The following CDK2AP1 variants were observed in gnomAD, a reference collection of about 807,000 sequenced individuals.
CDK2AP1 encodes the protein cyclin dependent kinase 2 associated protein 1, also known as cyclin-dependent kinase 2-associated protein 1.
A neutral mutation model predicts 14.1 loss-of-function variants in CDK2AP1; 10 were observed. That is an observed-to-expected ratio of 0.71 (90% CI 0.44 to 1.20). CDK2AP1 has a LOEUF of 1.20. Ranked by LOEUF, CDK2AP1 falls within the 50% of genes most tolerant of loss-of-function variation. CDK2AP1 has a pLI of 0.00. For synonymous variants in CDK2AP1, 59 were observed against 59.8 expected (o/e 0.99, Z 0.06); for missense variants, 102 against 149.9 (o/e 0.68, Z 1.67).
chr12:123,264,416 C>T (rs1223821014), intron 3 of CDK2AP1, among the ~76,000 whole-genome samples: 2 of 144,480 alleles, frequency 1.4e-5, no homozygotes, highest in African/African-American at 2.6e-5. Context: ...GCCGAGATTG[C>T]ACCACTGCAC....
intron 1 of CDK2AP1, among the ~76,000 whole-genome samples, chr12:123,269,496 G>A (rs1566005859): frequency 6.6e-6 from 1 of 152,274 alleles, no homozygotes; most frequent in Admixed American, 6.5e-5. Context: ...CCAGGACACA[G>A]GGACCACGTC....
At chr12:123,261,953 C>A (rs993081672) in intron 3 of CDK2AP1, 150 bp from the exon 4 acceptor site, 11 of 626,750 alleles carry the variant, frequency 1.8e-5, no homozygotes, top group African/African-American at 3.6e-5. Context: ...AACCAAGCAA[C>A]CCTGAAGGAC....
intron 3 of CDK2AP1, 181 bp from the exon 4 acceptor site, chr12:123,261,984 C>G (rs4759418): frequency 0.053 from 28,315 of 533,726 alleles, 1,495 homozygotes; most frequent in East Asian, 0.25. Flanking sequence ...CCATCCCTCT[C>G]TAAAGCCCTT....
chr12:123,266,157 C>G (rs1269158030), intron 2 of CDK2AP1, among the ~76,000 whole-genome samples: 5 of 152,192 alleles, frequency 3.3e-5, no homozygotes, highest in South Asian at 2.1e-4. Flanking sequence ...TGCCTCCCCC[C>G]TCCTCCACCA....
intron 1 of CDK2AP1, chr12:123,270,940 G>A: frequency 4.1e-6 from 4 of 984,958 alleles, no homozygotes; most frequent in Non-Finnish European, 4.8e-6. Context: ...CCACGCTCCC[G>A]GCCGAGGCCC....
rs2048278626 is a variant in CDK2AP1, at chr12:123,265,314, C to T, written c.162G>A (p.Gly54=). 1 of 1,614,108 alleles carries T rather than the reference C, an allele frequency of 6.2e-7. No homozygotes were observed. Among genetic ancestry groups the T allele is most frequent in the Non-Finnish European group, 8.5e-7 (1 of 1,180,018 alleles). ...ATTTGCTTTGGGGCACCTGGCTGTT[C>T]CCAGTTCCCTAGAATCAGAAAGAAA... ...PPSLGYTQGT[G]NSQVPQSKYA... is the part of the protein sequence containing the mutation. The change falls in exon 3 of 4, where the codon GGG becomes GGA. Residue 54 remains glycine (G), a synonymous_variant. Coordinates refer to ENST00000261692, the MANE Select transcript of CDK2AP1 (RefSeq NM_004642.4). The surrounding 1 kb of genome is among the most constrained non-coding windows in gnomAD (Gnocchi z 5.3).
intron 1 of CDK2AP1, among the ~76,000 whole-genome samples, chr12:123,270,409 TC>T (rs2048343797): frequency 6.6e-6 from 1 of 151,826 alleles, no homozygotes; most frequent in African/African-American, 2.4e-5. Context: ...GGTTACGAGG[TC>T]AACGTTTGCA....
rs930712340 is a variant in CDK2AP1, at chr12:123,265,471, C to A, written c.154-149G>T. 3 of 666,458 alleles carry A rather than the reference C, an allele frequency of 4.5e-6. No individual in the cohort carries two copies. Among genetic ancestry groups the A allele is most frequent in the Non-Finnish European group, 5.2e-6 (2 of 384,516 alleles). The allele number at this position is 666,458 out of a possible 1,614,324, so 41.3% of individuals were successfully genotyped here. A position where few individuals can be genotyped will look rare whatever the true frequency, so the allele number is the denominator to read the frequency against. On this transcript the variant is annotated intron_variant, in intron 2 of 3. Transcript: ENST00000261692. This position sits in a 1 kb window ranked among gnomAD's most constrained non-coding sequence, Gnocchi z 5.3. ...TGAGCCAAGATCACTCCACTGCACT[C>A]CAGCCTGGGCAACAGAGCGAGACTC...
At chr12:123,263,441 C>G (rs2048254600) in intron 3 of CDK2AP1, among the ~76,000 whole-genome samples, 2 of 152,162 alleles carry the variant, frequency 1.3e-5, no homozygotes, top group South Asian at 4.1e-4. Flanking sequence ...CATTTGCTGA[C>G]TTGAACCAGT....
intron 1 of CDK2AP1, chr12:123,269,207 T>C (rs1422244385): frequency 6.6e-6 from 1 of 152,466 alleles, no homozygotes; most frequent in Non-Finnish European, 1.5e-5. Context: ...GTCCTCAGTT[T>C]CTCCATTTGT....
intron 1 of CDK2AP1, chr12:123,268,250 C>T: frequency 1.0e-6 from 1 of 985,552 alleles, no homozygotes; most frequent in South Asian, 4.7e-5. Flanking sequence ...GCGCCGCAGA[C>T]TTGGCCTCGG....
rs919089248 is a variant in CDK2AP1 at position 123,261,431 on chromosome 12, G to T, written c.*305C>A. The T allele has an allele frequency of 3.1e-6, 1 of 319,132 alleles. No homozygotes were observed. Among genetic ancestry groups the T allele is most frequent in the Admixed American group, 4.7e-5 (1 of 21,198 alleles). 19.8% of individuals were successfully genotyped at this position (319,132 alleles called of 1,614,324 possible). On this transcript the variant is annotated 3_prime_UTR_variant, in exon 4 of 4. Transcript: ENST00000261692. Reference sequence around the variant, plus strand: ...TGTATACAAAAGAGAAGATTAAAGGGAGACAATGGTGTCTTGGAGGCAAAC... The same window carrying T: ...TGTATACAAAAGAGAAGATTAAAGGTAGACAATGGTGTCTTGGAGGCAAAC...
rs1801958 is a variant in CDK2AP1, at chr12:123,261,397, G to A, written c.*339C>T. 6.2e-3 allele frequency: 1,478 copies of A among 236,592 alleles called. 24 individuals are homozygous for A. Among genetic ancestry groups the A allele is most frequent in the African/African-American group, 0.032 (1,364 of 43,248 alleles). 14.7% of individuals were successfully genotyped at this position (236,592 alleles called of 1,614,324 possible). ...ATGAAAAGGAACAAAGAACACCATG[G>A]GTAACAAATGTATACAAAAGAGAAG... On this transcript the variant is annotated 3_prime_UTR_variant, in exon 4 of 4. Transcript: ENST00000261692.
In CDK2AP1 at chr12:123,267,299, G is replaced by C. The variant is rs368229040; in HGVS notation, c.56-17C>G. ...CACTCCCAGCTGTGGGGTGGGGAGA[G>C]AGAGGCCAGGAGTCAGCTCAGCCAG... On this transcript the variant is annotated splice_polypyrimidine_tract_variant and intron_variant, in intron 1 of 3. Coordinates refer to ENST00000261692, the MANE Select transcript of CDK2AP1 (RefSeq NM_004642.4). The C allele has an allele frequency of 3.7e-5, 56 of 1,509,288 alleles. No homozygotes were observed. Among genetic ancestry groups the C allele is most frequent in the Non-Finnish European group, 5.0e-5 (54 of 1,085,296 alleles). The allele number at this position is 1,509,288 out of a possible 1,614,324, so 93.5% of individuals were successfully genotyped here. A position where few individuals can be genotyped will look rare whatever the true frequency, so the allele number is the denominator to read the frequency against.
At chr12:123,262,074 G>A (rs561276449) in intron 3 of CDK2AP1, 10 of 351,582 alleles carry the variant, frequency 2.8e-5, no homozygotes, top group Non-Finnish European at 4.7e-5. Flanking sequence ...GTCCTTCCAC[G>A]ACACTGTTGG....
In CDK2AP1 at chr12:123,265,093, G is replaced by C; in HGVS notation, c.280+103C>G. The C allele has an allele frequency of 6.8e-7, 1 of 1,479,690 alleles. No individual in the cohort carries two copies. Among genetic ancestry groups the C allele is most frequent in the Non-Finnish European group, 9.3e-7 (1 of 1,075,808 alleles). 91.7% of individuals were successfully genotyped at this position (1,479,690 alleles called of 1,614,324 possible). A position where few individuals can be genotyped will look rare whatever the true frequency, so the allele number is the denominator to read the frequency against. ...TAACAAGACAGGAGCTCCCATGAGT[G>C]AGCCTCATCCCTAGCCCACCTTCCC... On this transcript the variant is annotated intron_variant, in intron 3 of 3. Transcript: ENST00000261692. The surrounding 1 kb of genome is among the most constrained non-coding windows in gnomAD (Gnocchi z 5.3).
intron 3 of CDK2AP1, 188 bp from the exon 4 acceptor site, chr12:123,261,991 C>T: frequency 1.9e-6 from 1 of 514,726 alleles, no homozygotes; most frequent in Non-Finnish European, 3.5e-6. Flanking sequence ...TCTCTAAAGC[C>T]CTTCCCTCCT....
intron 3 of CDK2AP1, chr12:123,262,330 T>C (rs2048241903): frequency 6.5e-6 from 1 of 152,686 alleles, no homozygotes; most frequent in African/African-American, 2.4e-5. Flanking sequence ...CTTTTGTCTC[T>C]GTGGTTTGGT....
At position 123,265,363 on chromosome 12, in the gene CDK2AP1, C is replaced by T. The variant is rs764044993; in HGVS notation, c.154-41G>A. The T allele has an allele frequency of 1.1e-5, 18 of 1,605,774 alleles. No individual in the cohort carries two copies. Among genetic ancestry groups the T allele is most frequent in the South Asian group, 4.4e-5 (4 of 90,830 alleles). The stretch of plus-strand genomic sequence containing the variant: ...AATGGGTTCAGCAAAATCAGCCGGG[C>T]GTGGTGGTGCGTGCCTGTAGTCCCA... On this transcript the variant is annotated intron_variant, in intron 2 of 3. Coordinates refer to ENST00000261692, the MANE Select transcript of CDK2AP1 (RefSeq NM_004642.4). This position sits in a 1 kb window ranked among gnomAD's most constrained non-coding sequence, Gnocchi z 5.3.
Sources: allele counts gnomAD v4.1 joint callset (sites outside exome capture counted in the v4.1 genomes callset), GRCh38; gene constraint gnomAD v4.1.1; non-coding constraint Gnocchi (gnomAD v3.1); transcripts MANE v1.5; gene names NCBI Gene and HGNC (gene_info 2026-07-23, HGNC 2026-07-21).